Variants in SMAGP observed in about 807,000 individuals in gnomAD.
SMAGP encodes the protein small cell transmembrane and glycosylated protein.
A neutral mutation model predicts 10.1 loss-of-function variants in SMAGP; 7 were observed. The observed-to-expected ratio is 0.70, with a 90% CI of 0.40 to 1.31. The LOEUF (loss-of-function observed/expected upper bound fraction) is 1.31, where lower values mean the gene tolerates loss of function less well. Ranked by LOEUF, SMAGP falls within the 50% of genes most tolerant of loss-of-function variation. The pLI, the probability that SMAGP is intolerant of heterozygous loss-of-function variation, is 0.01. For missense variants in SMAGP, 113 were observed against 116.5 expected, an observed-to-expected ratio of 0.97 and a Z score of 0.14; for synonymous variants, 49 against 47.2, an observed-to-expected ratio of 1.04 and a Z score of -0.16.
intron 2 of SMAGP, among the ~76,000 whole-genome samples, chr12:51,267,812 T>C (rs1944989513): frequency 6.6e-6 from 1 of 152,104 alleles, no homozygotes; most frequent in African/African-American, 2.4e-5. Flanking sequence ...TTATCTCTTC[T>C]CACCAGACAA....
At chr12:51,247,620 T>C (rs1308438520) in intron 2 of SMAGP, among the ~76,000 whole-genome samples, 2 of 152,192 alleles carry the variant, frequency 1.3e-5, no homozygotes, top group Non-Finnish European at 2.9e-5. Flanking sequence ...AGCCCTTCCA[T>C]TCTTTCCTAT....
chr12:51,254,472 A>C (rs1944869489), intron 2 of SMAGP, among the ~76,000 whole-genome samples: 1 of 152,106 alleles, frequency 6.6e-6, no homozygotes, highest in Non-Finnish European at 1.5e-5. Context: ...ACTTGAACCC[A>C]GGAGGCGGAG....
At chr12:51,262,078 G>A (rs10783426) in intron 2 of SMAGP, among the ~76,000 whole-genome samples, 103,159 of 151,480 alleles carry the variant, frequency 0.68, 38,475 homozygotes, top group Non-Finnish European at 0.85. Context: ...GTCTCTCTGT[G>A]TATTTTTTTT....
At chr12:51,261,445 G>C (rs1043937168) in intron 2 of SMAGP, among the ~76,000 whole-genome samples, 2 of 152,064 alleles carry the variant, frequency 1.3e-5, no homozygotes, top group Non-Finnish European at 2.9e-5. Flanking sequence ...GATAAGGAAA[G>C]CTTGCAAGAG....
chr12:51,264,627 TAAAAAAAAAAAA>T (rs576531152), intron 2 of SMAGP, among the ~76,000 whole-genome samples: 1 of 101,110 alleles, frequency 9.9e-6, no homozygotes, highest in Non-Finnish European at 2.0e-5. Context: ...TCCCATCTCT[TAAAAAAAAAAAA>T]AAAAAAAAAA....
intron 2 of SMAGP, among the ~76,000 whole-genome samples, chr12:51,250,268 G>C (rs1944824535): frequency 6.6e-6 from 1 of 151,334 alleles, no homozygotes; most frequent in South Asian, 2.1e-4. Context: ...TGTAGTCCCA[G>C]ATACTCATGA....
Position 51,246,798 on chromosome 12 carries a change from G to C in SMAGP, c.68C>G (p.Thr23Ser). ...ELMTTPILQP[T>S]EALSPEDGAS... ...TCCATCTTCTGGGGACAGGGCCTCA[G>C]TGGGCTGTAAAATTGGGGTGGTCAT... Residue 23 changes from threonine to serine, a missense_variant, in exon 3 of 4, where the codon ACT becomes AGT. Transcript: ENST00000603798. 1.3e-6 allele frequency: 2 copies of C among 1,583,206 alleles called. No homozygotes were observed. Among genetic ancestry groups the C allele is most frequent in the Non-Finnish European group, 8.6e-7 (1 of 1,164,768 alleles).
At chr12:51,256,192 G>C (rs1944883137) in intron 2 of SMAGP, among the ~76,000 whole-genome samples, 1 of 152,124 alleles carries the variant, frequency 6.6e-6, no homozygotes, top group Non-Finnish European at 1.5e-5. Flanking sequence ...TGGAGTCAAG[G>C]GTGAAGGCAT....
chr12:51,256,519 C>T (rs1230218443), intron 2 of SMAGP, among the ~76,000 whole-genome samples: 1 of 152,120 alleles, frequency 6.6e-6, no homozygotes, highest in African/African-American at 2.4e-5. Flanking sequence ...GTCAGCAGTT[C>T]AAGACCAGCC....
intron 2 of SMAGP, among the ~76,000 whole-genome samples, chr12:51,264,627 TAAAAAAA>T (rs576531152): frequency 9.9e-6 from 1 of 101,110 alleles, no homozygotes; most frequent in Non-Finnish European, 2.0e-5. Flanking sequence ...TCCCATCTCT[TAAAAAAA>T]AAAAAAAAAA....
chr12:51,268,161 G>C (rs1234372629), intron 2 of SMAGP, among the ~76,000 whole-genome samples: 1 of 152,056 alleles, frequency 6.6e-6, no homozygotes, highest in African/African-American at 2.4e-5. Flanking sequence ...TTTGATGCTG[G>C]GTCTGTATCA....
At chr12:51,248,083 C>T (rs944480214) in intron 2 of SMAGP, among the ~76,000 whole-genome samples, 2 of 151,866 alleles carry the variant, frequency 1.3e-5, no homozygotes, top group African/African-American at 2.4e-5. Flanking sequence ...GTGGCCCGAG[C>T]GCGGTGTGAG....
intron 2 of SMAGP, among the ~76,000 whole-genome samples, chr12:51,266,778 G>GA (rs940670075): frequency 6.6e-6 from 1 of 151,996 alleles, no homozygotes; most frequent in African/African-American, 2.4e-5. Flanking sequence ...AATTGTCTGC[G>GA]AAAAAATGGC....
In SMAGP at chr12:51,246,842, T is replaced by C; in HGVS notation, c.35-11A>G. ...TGGTCATCAGTTCTTCTGGAAAATGTAGAAAAGTGGAAAAGGAAATGGAGT... is the reference window on the plus strand; with the variant it reads ...TGGTCATCAGTTCTTCTGGAAAATGCAGAAAAGTGGAAAAGGAAATGGAGT... On this transcript the variant is annotated splice_polypyrimidine_tract_variant and intron_variant, in intron 2 of 3. Coordinates refer to ENST00000603798, the MANE Select transcript of SMAGP (RefSeq NM_001031628.2). 1.3e-6 allele frequency: 2 copies of C among 1,549,222 alleles called. No individual in the cohort carries two copies. Among genetic ancestry groups the C allele is most frequent in the South Asian group, 1.2e-5 (1 of 82,086 alleles).
chr12:51,251,975 T>C (rs1307210479), intron 2 of SMAGP, among the ~76,000 whole-genome samples: 1 of 152,220 alleles, frequency 6.6e-6, no homozygotes, highest in South Asian at 2.1e-4. Flanking sequence ...GCGATGCAGC[T>C]ATTGGTCAGT....
chr12:51,260,378 T>A lies in SMAGP; in HGVS notation c.34+8867A>T, dbSNP rs532500363. The stretch of plus-strand genomic sequence containing the variant: ...GGCTGATTGTTTTTTTTGTTGTTGT[T>A]GTTGTTGTTGTTTTTTGAGACGGAG... On this transcript the variant is annotated intron_variant, in intron 2 of 3. Coordinates refer to ENST00000603798, the MANE Select transcript of SMAGP (RefSeq NM_001031628.2). Among the ~76,000 whole-genome samples, 14 of 151,768 alleles carry A rather than the reference T, an allele frequency of 9.2e-5. No homozygotes were observed. In the East Asian group the frequency reaches 2.5e-3, roughly 28 times the overall value.
intron 2 of SMAGP, among the ~76,000 whole-genome samples, chr12:51,253,015 G>A (rs1944854432): frequency 6.6e-6 from 1 of 152,148 alleles, no homozygotes; most frequent in African/African-American, 2.4e-5. Context: ...CTGAGAAAGA[G>A]AAAGGGGTCG....
rs539122383 is a variant in SMAGP at position 51,258,856 on chromosome 12, A to T, written c.34+10389T>A. On this transcript the variant is annotated intron_variant, in intron 2 of 3. Transcript: ENST00000603798. ...TATTAAATCATAAAGCAAGTATAAG[A>T]AAGTCCAAGGCTGGGTGCAGTGGCT... is the stretch of plus-strand genomic sequence containing the variant. Among the ~76,000 whole-genome samples the T allele has an allele frequency of 3.9e-5, 6 of 152,078 alleles. No individual in the cohort carries two copies. The South Asian group carries it at 1.2e-3, about 32-fold the overall frequency.
intron 2 of SMAGP, among the ~76,000 whole-genome samples, chr12:51,260,372 T>C (rs894596157): frequency 6.6e-6 from 1 of 151,606 alleles, no homozygotes; most frequent in Non-Finnish European, 1.5e-5. Flanking sequence ...TTTTTTTTGT[T>C]GTTGTTGTTG....
Sources: gnomAD v4.1 joint callset for allele counts (sites outside exome capture counted in the v4.1 genomes callset) on GRCh38, gnomAD v4.1.1 for gene constraint, MANE v1.5 for transcripts, NCBI Gene and HGNC (gene_info 2026-07-23, HGNC 2026-07-21) for gene names.